Variants in LRP1B observed in about 807,000 individuals in gnomAD.
The protein encoded by LRP1B is low-density lipoprotein receptor-related protein 1B.
In LRP1B, 217 loss-of-function variants were observed where a neutral mutation model predicts 556.6. The observed-to-expected ratio is 0.39, with a 90% CI of 0.35 to 0.44. The LOEUF is 0.44. LRP1B is among the 20% of genes least tolerant of loss of function. LRP1B has a pLI of 1.00. For synonymous variants in LRP1B, 2,047 were observed against 1,865.8 expected (o/e 1.10, Z -2.50); for missense variants, 5,053 against 5,620.8 (o/e 0.90, Z 3.23).
chr2:141,228,278 T>C (rs1683321179), intron 6 of LRP1B, among the ~76,000 whole-genome samples: 1 of 152,194 alleles, frequency 6.6e-6, no homozygotes, highest in Non-Finnish European at 1.5e-5. Context: ...ATAAATTAAA[T>C]GGATGCATGT....
chr2:141,047,892 C>T (rs970046765), intron 11 of LRP1B, among the ~76,000 whole-genome samples: 3 of 152,028 alleles, frequency 2.0e-5, no homozygotes, highest in Admixed American at 6.6e-5. Context: ...CATCTCCTGC[C>T]GAAGGAGTTA....
chr2:141,583,535 A>T (rs967452074), intron 2 of LRP1B, among the ~76,000 whole-genome samples: 5 of 152,062 alleles, frequency 3.3e-5, no homozygotes, highest in Non-Finnish European at 5.9e-5. Flanking sequence ...TAAGACAGAA[A>T]TAAGAATACT....
intron 23 of LRP1B, among the ~76,000 whole-genome samples, chr2:140,900,807 T>C (rs966408748): frequency 9.7e-5 from 9 of 92,410 alleles, no homozygotes; most frequent in Admixed American, 5.9e-4. Flanking sequence ...GTCCTAGACA[T>C]AAAAAGAAAA....
rs148329385 is a variant in LRP1B, at chr2:140,754,932, AG to A, written c.5758+14280del. ...GACAAATCTGTAGCTAGACTAACAA[AG>A]GCAAATGGAGAAAAAAATGAAATTA... On this transcript the variant is annotated intron_variant, in intron 35 of 90. Transcript: ENST00000389484. Among the ~76,000 whole-genome samples, 1,507 of 152,134 alleles carry A rather than the reference AG, an allele frequency of 9.9e-3. 27 individuals carry two copies. The highest frequency in any genetic ancestry group is 0.034 in the African/African-American group (1,421 of 41,550).
intron 87 of LRP1B, among the ~76,000 whole-genome samples, chr2:140,246,392 T>A (rs1681162190): frequency 6.6e-6 from 1 of 151,420 alleles, no homozygotes; most frequent in South Asian, 2.1e-4. Context: ...ACTGGCAAAC[T>A]TTATTTCAGA....
chr2:141,055,353 CAG>C (rs910028731), intron 9 of LRP1B, 94 bp from the exon 10 acceptor site: 2 of 1,396,602 alleles, frequency 1.4e-6, no homozygotes, highest in East Asian at 2.5e-5. Flanking sequence ...AGTGTAAAAA[CAG>C]GGAATCTTAG....
intron 1 of LRP1B, among the ~76,000 whole-genome samples, chr2:142,071,583 G>C (rs1705312883): frequency 6.6e-6 from 1 of 152,002 alleles, no homozygotes; most frequent in Non-Finnish European, 1.5e-5. Context: ...ACATATCACA[G>C]TCACACTCAT....
intron 37 of LRP1B, among the ~76,000 whole-genome samples, chr2:140,709,202 G>C (rs1465874253): frequency 3.9e-5 from 6 of 152,022 alleles, no homozygotes; most frequent in Admixed American, 3.9e-4. Context: ...GAGAAAACAT[G>C]TATCCTGGTG....
At chr2:141,952,299 C>A (rs34772597) in intron 1 of LRP1B, among the ~76,000 whole-genome samples, 56,448 of 151,620 alleles carry the variant, frequency 0.37, 11,456 homozygotes, top group Admixed American at 0.5. Context: ...GTGAATAGTG[C>A]CGCAATAAAC....
chr2:141,622,860 G>T (rs1200043676), intron 2 of LRP1B, among the ~76,000 whole-genome samples: 1 of 152,150 alleles, frequency 6.6e-6, no homozygotes, highest in African/African-American at 2.4e-5. Context: ...AGGATGAACT[G>T]CAGAGCTATG....
chr2:140,673,878 T>C (rs2105364073), intron 41 of LRP1B, among the ~76,000 whole-genome samples: 1 of 152,062 alleles, frequency 6.6e-6, no homozygotes, highest in Middle Eastern at 3.4e-3. Flanking sequence ...AGACTCTTTG[T>C]AGCAATAACA....
At chr2:140,949,722 C>T (rs376840081) in intron 20 of LRP1B, among the ~76,000 whole-genome samples, 2 of 151,676 alleles carry the variant, frequency 1.3e-5, no homozygotes, top group South Asian at 2.1e-4. Flanking sequence ...AGGCAGATCA[C>T]GAAGTCAGGA....
intron 2 of LRP1B, among the ~76,000 whole-genome samples, chr2:141,501,485 C>G (rs939641755): frequency 2.6e-5 from 4 of 152,112 alleles, no homozygotes; most frequent in African/African-American, 9.7e-5. Flanking sequence ...GAAGTTGTCA[C>G]TGATTCTGGC....
At position 141,093,807 on chromosome 2, in the gene LRP1B, C is replaced by CG. The variant is rs571683747; in HGVS notation, c.1014-31535dup. ...TCTGCTCACTGCAACCTCCACCCCC[C>CG]GGGTTCAATCAATTCTCCTGTCTCA... On this transcript the variant is annotated intron_variant, in intron 7 of 90. Transcript: ENST00000389484. 7.2e-3 allele frequency among the ~76,000 whole-genome samples: 1,101 copies of CG among 152,156 alleles called. 16 individuals are homozygous for CG. The highest frequency in any genetic ancestry group is 0.016 in the South Asian group (78 of 4,820).
chr2:141,103,180 T>A (rs879721793), intron 7 of LRP1B, among the ~76,000 whole-genome samples: 1 of 152,110 alleles, frequency 6.6e-6, no homozygotes, highest in Non-Finnish European at 1.5e-5. Context: ...AAATATCTTT[T>A]TAAGGATTAT....
intron 84 of LRP1B, among the ~76,000 whole-genome samples, chr2:140,280,572 GA>G (rs2104964494): frequency 6.6e-6 from 1 of 151,826 alleles, no homozygotes; most frequent in East Asian, 1.9e-4. Flanking sequence ...AGGAACCCTG[GA>G]AAGAGCTCAG....
intron 41 of LRP1B, among the ~76,000 whole-genome samples, chr2:140,694,091 T>C (rs1457228301): frequency 6.6e-6 from 1 of 152,184 alleles, no homozygotes; most frequent in Non-Finnish European, 1.5e-5. Flanking sequence ...TTAAAAAATA[T>C]GCTATGTTTA....
intron 2 of LRP1B, among the ~76,000 whole-genome samples, chr2:141,758,348 C>T (rs540249013): frequency 1.8e-4 from 27 of 152,208 alleles, no homozygotes; most frequent in African/African-American, 5.8e-4. Flanking sequence ...ATAAAAATCT[C>T]ACAGTTGGGT....
intron 7 of LRP1B, among the ~76,000 whole-genome samples, chr2:141,141,999 GTTTT>G (rs898064402): frequency 2.0e-5 from 3 of 147,692 alleles, no homozygotes; most frequent in African/African-American, 5.0e-5. Context: ...AAACGATAGG[GTTTT>G]TTTTTTTCTA....
Sources: allele counts gnomAD v4.1 joint callset (sites outside exome capture counted in the v4.1 genomes callset), GRCh38; gene constraint gnomAD v4.1.1; transcripts MANE v1.5; gene names NCBI Gene and HGNC (gene_info 2026-07-23, HGNC 2026-07-21).